Variants in PKHD1L1 observed in about 807,000 individuals in gnomAD.
PKHD1L1 encodes the protein PKHD1 like 1.
Under a neutral mutation model 462.9 loss-of-function variants are expected in PKHD1L1, and 434 were observed. That is an observed-to-expected ratio of 0.94 (90% CI 0.87 to 1.02). The LOEUF (loss-of-function observed/expected upper bound fraction) is 1.02. PKHD1L1 is among the 50% of genes least tolerant of loss of function. The pLI, the probability that PKHD1L1 is intolerant of heterozygous loss-of-function variation, is 0.00. For missense variants in PKHD1L1, 5,202 were observed against 5,096.1 expected (o/e 1.02, Z -0.63); for synonymous variants, 1,781 against 1,750.0 (o/e 1.02, Z -0.44).
chr8:109,446,564 T>C (rs1050015048), intron 38 of PKHD1L1, among the ~76,000 whole-genome samples: 2 of 152,198 alleles, frequency 1.3e-5, no homozygotes, highest in African/African-American at 4.8e-5. Flanking sequence ...TAAGTAGTAT[T>C]TTCTGCCTTC....
At chr8:109,507,220 C>T (rs1819735581) in intron 68 of PKHD1L1, among the ~76,000 whole-genome samples, 1 of 151,982 alleles carries the variant, frequency 6.6e-6, no homozygotes, top group African/African-American at 2.4e-5. Context: ...GCAATAATTT[C>T]ATAATTTTTA....
Position 109,491,986 on chromosome 8 carries a change from G to A in PKHD1L1, c.10228G>A (p.Ala3410Thr). Residue 3410 changes from alanine (A) to threonine (T), a missense_variant, in exon 62 of 78, where the codon GCA becomes ACA. Around this residue, in one of 3 missense-constraint regions of PKHD1L1, gnomAD observed 4,497 missense variants for 4,336.8 expected, o/e 1.04. Transcript: ENST00000378402. ...TTTAAGTTCAACTCTCTGGCATGCA[G>A]CAATTGAGGTAGTGAAAACAAACTT... ...KDLSSTLWHA[A>T]IEINRGTNTV... 3 of 1,537,402 alleles carry A rather than the reference G, an allele frequency of 2.0e-6. No homozygotes were observed. The highest frequency in any genetic ancestry group is 2.6e-6 in the Non-Finnish European group (3 of 1,136,970).
At chr8:109,424,455 A>G (rs1814633331) in intron 23 of PKHD1L1, among the ~76,000 whole-genome samples, 1 of 152,182 alleles carries the variant, frequency 6.6e-6, no homozygotes, top group African/African-American at 2.4e-5. Flanking sequence ...GTGGTCTAGA[A>G]GGCTTATCAT....
At chr8:109,488,001 A>G (rs1818644760) in intron 59 of PKHD1L1, among the ~76,000 whole-genome samples, 3 of 151,860 alleles carry the variant, frequency 2.0e-5, no homozygotes, top group African/African-American at 7.2e-5. Context: ...TTTTTCCATC[A>G]GTAGGTACAT....
In PKHD1L1 at chr8:109,490,130, A is replaced by G. The variant is rs1006827008; in HGVS notation, c.9984+75A>G. ...TTTTATTTTCATTTGACTTCTAAAT[A>G]GCCACATCTTATATTAGCTAAAATT... On this transcript the variant is annotated intron_variant, in intron 60 of 77. Transcript: ENST00000378402. 24 of 917,522 alleles carry G rather than the reference A, an allele frequency of 2.6e-5. No individual in the cohort carries two copies. In the African/African-American group the frequency reaches 2.7e-4, roughly 10 times the overall value. 56.8% of individuals were successfully genotyped at this position (917,522 alleles called of 1,614,324 possible).
At chr8:109,527,974 G>A (rs965118482) in intron 77 of PKHD1L1, among the ~76,000 whole-genome samples, 2 of 152,196 alleles carry the variant, frequency 1.3e-5, no homozygotes, top group African/African-American at 4.8e-5. Context: ...CTGGTCACAT[G>A]GGGTAAGGTA....
intron 50 of PKHD1L1, 86 bp from the exon 51 acceptor site, chr8:109,475,032 A>G: frequency 7.7e-7 from 1 of 1,305,574 alleles, no homozygotes. Flanking sequence ...AACCAAACTA[A>G]ACTAACTTTT....
chr8:109,362,760 G>T, intron 1 of PKHD1L1, 107 bp downstream of exon 1: 2 of 1,258,052 alleles, frequency 1.6e-6, no homozygotes, highest in Non-Finnish European at 1.1e-6. Flanking sequence ...CCTGGCTGAG[G>T]CTGTGGGTGC....
chr8:109,405,086 G>A lies in PKHD1L1; in HGVS notation c.1625G>A (p.Cys542Tyr), dbSNP rs1383243547. Residue 542 changes from cysteine (C) to tyrosine (Y), a missense_variant, in exon 16 of 78, where the codon TGT becomes TAT. Coordinates refer to ENST00000378402, the MANE Select transcript of PKHD1L1 (RefSeq NM_177531.6). ...VTSPCVEANS[C>Y]SLYQYRLIYN... ...AGCCCATGTGTGGAAGCTAATTCAT[G>A]TTCACTTTACCAATATAGATTAATC... is the stretch of plus-strand genomic sequence containing the variant. The A allele has an allele frequency of 6.6e-7, 1 of 1,512,846 alleles. No homozygotes were observed. Among genetic ancestry groups the A allele is most frequent in the South Asian group, 1.2e-5 (1 of 82,848 alleles). 93.7% of individuals were successfully genotyped at this position (1,512,846 alleles called of 1,614,324 possible).
chr8:109,489,069 T>C (rs756986470), intron 59 of PKHD1L1, among the ~76,000 whole-genome samples: 7 of 152,002 alleles, frequency 4.6e-5, no homozygotes, highest in Non-Finnish European at 5.9e-5. Flanking sequence ...AGGTGGCTTG[T>C]AGTAATCATG....
chr8:109,488,070 T>G (rs1445594290), intron 59 of PKHD1L1, among the ~76,000 whole-genome samples: 2 of 151,950 alleles, frequency 1.3e-5, no homozygotes, highest in African/African-American at 4.8e-5. Flanking sequence ...ATTGCCTAGA[T>G]TCATTAAATC....
chr8:109,400,158 G>A lies in PKHD1L1; in HGVS notation c.1095G>A (p.Thr365=), dbSNP rs755557689. ...AGATACTGGAATACAATGAAAAAAC[G>A]CCTGGGTACATGGGTGCCAGTTGGG... ...LEEILEYNEK[T]PGYMGASWVD... Residue 365 remains threonine (T), a synonymous_variant, in exon 13 of 78, where the codon ACG becomes ACA. Coordinates refer to ENST00000378402, the MANE Select transcript of PKHD1L1 (RefSeq NM_177531.6). 1.3e-5 allele frequency: 21 copies of A among 1,613,512 alleles called. No homozygotes were observed. The highest frequency in any genetic ancestry group is 1.8e-5 in the Non-Finnish European group (21 of 1,179,684).
intron 14 of PKHD1L1, among the ~76,000 whole-genome samples, chr8:109,404,025 G>T (rs1252429221): frequency 6.6e-6 from 1 of 152,140 alleles, no homozygotes; most frequent in Non-Finnish European, 1.5e-5. Flanking sequence ...CTAATTGGAG[G>T]ATCATAGTAA....
chr8:109,454,868 G>C lies in PKHD1L1; in HGVS notation c.6874+16G>C. ...GATCTGCACGGTACTGTGGCCAAGT[G>C]GCTAAGGGAGTTGGTAGAGGAAGAC... On this transcript the variant is annotated intron_variant, in intron 45 of 77. Coordinates refer to ENST00000378402, the MANE Select transcript of PKHD1L1 (RefSeq NM_177531.6). The C allele has an allele frequency of 6.2e-7, 1 of 1,603,906 alleles. No individual in the cohort carries two copies. The highest frequency in any genetic ancestry group is 8.5e-7 in the Non-Finnish European group (1 of 1,174,642).
chr8:109,492,418 A>G (rs971415942), intron 62 of PKHD1L1, among the ~76,000 whole-genome samples: 1 of 151,876 alleles, frequency 6.6e-6, no homozygotes, highest in African/African-American at 2.4e-5. Context: ...AGTTTCTTCA[A>G]TTACTATAGG....
rs1235998720 is a variant in PKHD1L1, at chr8:109,530,858, G to A, written c.*768G>A. ...GGGTTGAGGGGTTCCCTTAACTGGT[G>A]GATGCTTATTCACTGTTTACTGGAT... On this transcript the variant is annotated 3_prime_UTR_variant, in exon 78 of 78. Transcript: ENST00000378402. 6.6e-6 allele frequency among the ~76,000 whole-genome samples: 1 copy of A among 152,038 alleles called. No homozygotes were observed. The highest frequency in any genetic ancestry group is 2.4e-5 in the African/African-American group (1 of 41,376).
chr8:109,454,355 T>C, intron 44 of PKHD1L1, 109 bp downstream of exon 44: 1 of 763,186 alleles, frequency 1.3e-6, no homozygotes, highest in Non-Finnish European at 2.0e-6. Context: ...CCTAAGTTTA[T>C]CTTTGTTTAG....
rs555688885 is a variant in PKHD1L1, at chr8:109,535,136, A to G, written c.*5046A>G. Among the ~76,000 whole-genome samples the G allele has an allele frequency of 6.6e-6, 1 of 152,292 alleles. No homozygotes were observed. Among genetic ancestry groups the G allele is most frequent in the South Asian group, 2.1e-4 (1 of 4,824 alleles). On this transcript the variant is annotated 3_prime_UTR_variant, in exon 78 of 78. Transcript: ENST00000378402. ...CTTAATGTTTGAAGTAGCAGTGTAT[A>G]AAATTCACACCCAGTTATAGACTGA... is the stretch of plus-strand genomic sequence containing the variant.
chr8:109,523,625 T>C (rs1310195799), intron 76 of PKHD1L1, among the ~76,000 whole-genome samples: 2 of 152,178 alleles, frequency 1.3e-5, no homozygotes. Context: ...GATTTATCCA[T>C]TTGTATACTT....
Sources: gnomAD v4.1 joint callset for allele counts (sites outside exome capture counted in the v4.1 genomes callset) on GRCh38, gnomAD v4.1.1 for gene constraint, gnomAD v4.1.1 regional missense constraint, MANE v1.5 for transcripts, NCBI Gene and HGNC (gene_info 2026-07-23, HGNC 2026-07-21) for gene names.